The following NCOA6 variants were observed in gnomAD, a reference collection of about 807,000 sequenced individuals.
NCOA6 encodes NRC RAP250.
NCOA6 carries 49 observed loss-of-function variants against 171.4 expected under a neutral mutation model. The observed-to-expected ratio is 0.29, with a 90% CI of 0.23 to 0.36. The LOEUF (loss-of-function observed/expected upper bound fraction) is 0.36. NCOA6 is among the 10% of genes least tolerant of loss of function. The probability of loss-of-function intolerance (pLI) is 1.00; values close to 1 mark genes in which losing one functional copy is unlikely to be tolerated. For missense variants in NCOA6, 2,248 were observed against 2,554.5 expected, an observed-to-expected ratio of 0.88 and a Z score of 2.59; for synonymous variants, 910 against 927.5, an observed-to-expected ratio of 0.98 and a Z score of 0.34.
intron 1 of NCOA6, among the ~76,000 whole-genome samples, chr20:34,800,194 CTCA>C (rs1037997107): frequency 1.3e-5 from 2 of 151,718 alleles, no homozygotes; most frequent in African/African-American, 4.8e-5. Context: ...ATTTGCAACC[CTCA>C]TGATAAACTC....
chr20:34,729,184 C>T (rs1038482380), intron 13 of NCOA6, among the ~76,000 whole-genome samples: 1 of 152,178 alleles, frequency 6.6e-6, no homozygotes, highest in African/African-American at 2.4e-5. Context: ...CTCCTGACCT[C>T]AAATGATCCA....
intron 2 of NCOA6, among the ~76,000 whole-genome samples, chr20:34,785,653 C>G (rs979879895): frequency 6.6e-6 from 1 of 151,866 alleles, no homozygotes; most frequent in African/African-American, 2.4e-5. Context: ...GCAGCTATTC[C>G]AAAGTTGGAA....
chr20:34,782,312 G>A lies in NCOA6; in HGVS notation c.44C>T (p.Ser15Phe). ...DLPNLEDIYT[S>F]LCSSTMEDSE... ...GTCTTCCATTGTTGATGAACACAAG[G>A]AAGTATAGATGTCTTCTAAGTTTGG... The change falls in exon 3 of 15, where the codon TCC (serine) becomes TTC (phenylalanine). Residue 15 changes from serine (S) to phenylalanine (F), a missense_variant. Ser to Phe is a radical substitution (Grantham distance 155). Around this residue, in one of 7 missense-constraint regions of NCOA6, gnomAD observed 987 missense variants for 1,104.7 expected, o/e 0.89. Transcript: ENST00000359003. 2.5e-6 allele frequency: 4 copies of A among 1,612,492 alleles called. No individual in the cohort carries two copies. Among genetic ancestry groups the A allele is most frequent in the Non-Finnish European group, 3.4e-6 (4 of 1,179,344 alleles).
intron 1 of NCOA6, among the ~76,000 whole-genome samples, chr20:34,817,125 AC>A (rs2078862149): frequency 9.3e-6 from 1 of 107,602 alleles, no homozygotes; most frequent in African/African-American, 3.2e-5. Flanking sequence ...TCCATCACAC[AC>A]ACACACAAAA....
intron 1 of NCOA6, among the ~76,000 whole-genome samples, chr20:34,817,281 G>A (rs1248678689): frequency 6.6e-6 from 1 of 151,814 alleles, no homozygotes. Flanking sequence ...GTTGCAGCTG[G>A]TTAATGCTAA....
At chr20:34,743,996 C>T (rs1431063070) in intron 10 of NCOA6, among the ~76,000 whole-genome samples, 1 of 152,192 alleles carries the variant, frequency 6.6e-6, no homozygotes, top group Non-Finnish European at 1.5e-5. Flanking sequence ...GGGAAACCGA[C>T]TGAATTAAAA....
intron 3 of NCOA6, among the ~76,000 whole-genome samples, chr20:34,781,659 T>G (rs1483873401): frequency 6.6e-6 from 1 of 152,132 alleles, no homozygotes; most frequent in Non-Finnish European, 1.5e-5. Context: ...AAATAACAAA[T>G]GCCTGCAGAC....
chr20:34,716,234 A>G (rs901352737), intron 14 of NCOA6, among the ~76,000 whole-genome samples: 1 of 151,396 alleles, frequency 6.6e-6, no homozygotes, highest in South Asian at 2.1e-4. Context: ...AAAAAAAAAA[A>G]AAGACTGTGG....
intron 1 of NCOA6, among the ~76,000 whole-genome samples, chr20:34,797,949 G>A (rs189542828): frequency 1.3e-5 from 2 of 152,250 alleles, no homozygotes; most frequent in East Asian, 3.9e-4. Context: ...GCTATGTAGA[G>A]CACTAAGCAG....
chr20:34,772,404 G>A (rs2077178774), intron 4 of NCOA6, among the ~76,000 whole-genome samples: 2 of 151,966 alleles, frequency 1.3e-5, no homozygotes, highest in Admixed American at 6.6e-5. Context: ...CCTGGTACGT[G>A]GCAGATGCTC....
At chr20:34,778,061 C>T (rs565087589) in intron 3 of NCOA6, among the ~76,000 whole-genome samples, 9 of 152,226 alleles carry the variant, frequency 5.9e-5, no homozygotes, top group East Asian at 5.8e-4. Flanking sequence ...CATGCCACCA[C>T]GCCCAGCTAA....
At chr20:34,816,746 G>C (rs1007492784) in intron 1 of NCOA6, among the ~76,000 whole-genome samples, 1 of 151,968 alleles carries the variant, frequency 6.6e-6, no homozygotes, top group Non-Finnish European at 1.5e-5. Context: ...AGGTTGCAGT[G>C]AGCCAAGTTT....
At position 34,741,192 on chromosome 20, in the gene NCOA6, G is replaced by A; in HGVS notation, c.5064C>T (p.Gly1688=). 1.2e-6 allele frequency: 2 copies of A among 1,614,240 alleles called. No homozygotes were observed. The highest frequency in any genetic ancestry group is 1.7e-6 in the Non-Finnish European group (2 of 1,180,040). The change falls in exon 11 of 15, where the codon GGC becomes GGT. Residue 1688 remains glycine, a synonymous_variant. Coordinates refer to ENST00000359003, the MANE Select transcript of NCOA6 (RefSeq NM_014071.5). ...CAACTGCAACAGAGGGAGGCATCAGGCCAGAGTTGGTTGTCAGTGGGGCTG... is the reference window on the plus strand; with the variant it reads ...CAACTGCAACAGAGGGAGGCATCAGACCAGAGTTGGTTGTCAGTGGGGCTG... ...IPAAPLTTNS[G]LMPPSVAVVG...
intron 13 of NCOA6, among the ~76,000 whole-genome samples, chr20:34,731,095 C>T (rs1990558821): frequency 6.6e-6 from 1 of 152,166 alleles, no homozygotes; most frequent in East Asian, 1.9e-4. Context: ...TCTCGGCTCA[C>T]TGCAACCTCC....
chr20:34,720,962 G>A (rs1201502691), intron 14 of NCOA6, among the ~76,000 whole-genome samples: 2 of 152,108 alleles, frequency 1.3e-5, no homozygotes, highest in African/African-American at 4.8e-5. Flanking sequence ...AAGAGCTACA[G>A]TACTCATTTC....
chr20:34,765,470 C>A (rs920903397), intron 5 of NCOA6, among the ~76,000 whole-genome samples: 3 of 150,310 alleles, frequency 2.0e-5, no homozygotes, highest in African/African-American at 7.3e-5. Flanking sequence ...AACAGGTCTT[C>A]TTGGTCCATA....
intron 1 of NCOA6, among the ~76,000 whole-genome samples, chr20:34,816,086 T>C (rs544631399): frequency 1.3e-5 from 2 of 152,192 alleles, no homozygotes; most frequent in Non-Finnish European, 2.9e-5. Context: ...CAAATCAGAC[T>C]TCTCACTATT....
At chr20:34,756,494 C>T (rs2076646175) in intron 7 of NCOA6, among the ~76,000 whole-genome samples, 1 of 152,174 alleles carries the variant, frequency 6.6e-6, no homozygotes, top group Admixed American at 6.5e-5. Context: ...GCTCCAAGCA[C>T]ATTCATGTGC....
intron 12 of NCOA6, among the ~76,000 whole-genome samples, chr20:34,734,970 A>G (rs1400135405): frequency 6.6e-6 from 1 of 152,140 alleles, no homozygotes; most frequent in Non-Finnish European, 1.5e-5. Flanking sequence ...TTAAAACAAG[A>G]AAAAGTTTGA....
Sources: allele counts gnomAD v4.1 joint callset (sites outside exome capture counted in the v4.1 genomes callset), GRCh38; gene constraint gnomAD v4.1.1; regional missense constraint gnomAD v4.1.1; transcripts MANE v1.5; gene names NCBI Gene and HGNC (gene_info 2026-07-23, HGNC 2026-07-21).